Variants in KCNQ2 observed in about 807,000 individuals in gnomAD.
The protein encoded by KCNQ2 is potassium voltage-gated channel subfamily Q member 2, also known as potassium voltage-gated channel subfamily KQT member 2.
Under a neutral mutation model 84.8 loss-of-function variants are expected in KCNQ2, and 14 were observed. The observed-to-expected ratio is 0.17, with a 90% CI of 0.11 to 0.26. The LOEUF is 0.26. Ranked by LOEUF, KCNQ2 falls within the 10% of genes least tolerant of loss-of-function variation. The pLI is 1.00. For synonymous variants in KCNQ2, 599 were observed against 554.1 expected (o/e 1.08, Z -1.14); for missense variants, 788 against 1,254.0 (o/e 0.63, Z 5.61).
intron 12 of KCNQ2, among the ~76,000 whole-genome samples, chr20:63,418,780 T>C (rs1287226562): frequency 6.6e-6 from 1 of 152,078 alleles, no homozygotes; most frequent in Non-Finnish European, 1.5e-5. Flanking sequence ...AGCAGCAAAG[T>C]CACAGGGAGA....
intron 15 of KCNQ2, among the ~76,000 whole-genome samples, chr20:63,412,702 G>T (rs1289759159): frequency 1.3e-5 from 2 of 152,230 alleles, no homozygotes; most frequent in African/African-American, 4.8e-5. Context: ...TGTAACAGGG[G>T]CCCAGCCTCG....
chr20:63,471,249 C>T (rs1413454999), intron 1 of KCNQ2: 1 of 152,322 alleles, frequency 6.6e-6, no homozygotes, highest in South Asian at 2.1e-4. Flanking sequence ...CGCCCTGGCG[C>T]GGGGAGGCTG....
chr20:63,450,095 TCCC>T (rs2081563113), intron 1 of KCNQ2, among the ~76,000 whole-genome samples: 1 of 21,082 alleles, frequency 4.7e-5, no homozygotes, highest in Non-Finnish European at 9.5e-5. Flanking sequence ...CCTCACCCCC[TCCC>T]TCACTTACAG....
chr20:63,429,744 G>A (rs912733169), intron 9 of KCNQ2, among the ~76,000 whole-genome samples: 13 of 152,086 alleles, frequency 8.5e-5, no homozygotes, highest in Admixed American at 3.3e-4. Context: ...ACTTCGTCCA[G>A]CCACACTCCT....
intron 15 of KCNQ2, among the ~76,000 whole-genome samples, chr20:63,411,410 G>A (rs374386678): frequency 2.6e-5 from 4 of 152,208 alleles, no homozygotes; most frequent in Admixed American, 2.6e-4. Context: ...CCTGTCCAGG[G>A]GGCACGGGCA....
rs2079859731 is a variant in KCNQ2, at chr20:63,403,834, T to C, written c.*2810A>G. ...ACTGCGGGAGCTCTTTGCCATGAGG[T>C]GGCACTGGTCCTTGGCCACGCTCAT... is the stretch of plus-strand genomic sequence containing the variant. On this transcript the variant is annotated 3_prime_UTR_variant, in exon 17 of 17. Transcript: ENST00000359125. 1 of 152,228 alleles carries C rather than the reference T, an allele frequency of 6.6e-6. No individual in the cohort carries two copies. Among genetic ancestry groups the C allele is most frequent in the Non-Finnish European group, 1.5e-5 (1 of 68,052 alleles). 9.4% of individuals were successfully genotyped at this position (152,228 alleles called of 1,614,324 possible). A position where few individuals can be genotyped will look rare whatever the true frequency, so the allele number is the denominator to read the frequency against.
chr20:63,421,632 G>A (rs1294019891), intron 11 of KCNQ2, among the ~76,000 whole-genome samples: 2 of 152,166 alleles, frequency 1.3e-5, no homozygotes, highest in African/African-American at 4.8e-5. Flanking sequence ...GGACAGACAT[G>A]CACCAAAAAC....
At chr20:63,464,782 C>T (rs986189898) in intron 1 of KCNQ2, among the ~76,000 whole-genome samples, 2 of 152,218 alleles carry the variant, frequency 1.3e-5, no homozygotes, top group Non-Finnish European at 2.9e-5. Context: ...GATCCGCATT[C>T]AAACTTGCCA....
rs1274962440 is a variant in KCNQ2, at chr20:63,411,910, C to A, written c.1763+1540G>T. The A allele has an allele frequency of 5.6e-6, 4 of 712,694 alleles. No homozygotes were observed. The South Asian group carries it at 6.0e-5, about 11-fold the overall frequency. The allele number at this position is 712,694 out of a possible 1,614,324, so 44.1% of individuals were successfully genotyped here. Reference sequence around the variant, plus strand: ...GGCAGAGTAAACAAGAAAAGAGACACCGGCGAAACGCATCGTAAAGCCACA... The same window carrying A: ...GGCAGAGTAAACAAGAAAAGAGACAACGGCGAAACGCATCGTAAAGCCACA... On this transcript the variant is annotated intron_variant, in intron 15 of 16. Coordinates refer to ENST00000359125, the MANE Select transcript of KCNQ2 (RefSeq NM_172107.4).
At chr20:63,445,017 C>G (rs1471235773) in intron 3 of KCNQ2, among the ~76,000 whole-genome samples, 183 bp from the exon 4 acceptor site, 5 of 152,230 alleles carry the variant, frequency 3.3e-5, no homozygotes, top group Non-Finnish European at 7.3e-5. Flanking sequence ...GCCTGTGGGG[C>G]CCAGGATGGG....
intron 12 of KCNQ2, among the ~76,000 whole-genome samples, chr20:63,419,052 G>A (rs780578052): frequency 9.9e-5 from 15 of 152,112 alleles, no homozygotes; most frequent in Admixed American, 2.0e-4. Flanking sequence ...TGCGGGTCAC[G>A]GTGCAGGCCA....
intron 15 of KCNQ2, among the ~76,000 whole-genome samples, chr20:63,409,316 T>C (rs991379266): frequency 1.3e-5 from 2 of 152,260 alleles, no homozygotes; most frequent in African/African-American, 2.4e-5. Context: ...CGTTTGCGTG[T>C]GTGCATGTGT....
chr20:63,419,499 G>T, intron 12 of KCNQ2, 120 bp downstream of exon 12: 1 of 967,234 alleles, frequency 1.0e-6, no homozygotes, highest in Non-Finnish European at 1.6e-6. Flanking sequence ...CCAGGGCGGT[G>T]GGTCAGAATT....
At chr20:63,430,456 A>G (rs1173629791) in intron 9 of KCNQ2, among the ~76,000 whole-genome samples, 1 of 152,152 alleles carries the variant, frequency 6.6e-6, no homozygotes, top group African/African-American at 2.4e-5. Flanking sequence ...AAGGGCAGCC[A>G]GGTCTCTCCT....
rs145360753 is a variant in KCNQ2 at position 63,438,347 on chromosome 20, C to T, written c.1023+278G>A. The stretch of plus-strand genomic sequence containing the variant: ...ACGGGTGTGCTCACCTCCCAGGGTG[C>T]GGTAGAGAGGACCTGATGGCCGGGC... On this transcript the variant is annotated intron_variant, in intron 7 of 16. Coordinates refer to ENST00000359125, the MANE Select transcript of KCNQ2 (RefSeq NM_172107.4). This position sits in a 1 kb window ranked among gnomAD's most constrained non-coding sequence, Gnocchi z 5.1. 1.1e-5 allele frequency: 6 copies of T among 549,086 alleles called. No individual in the cohort carries two copies. Among genetic ancestry groups the T allele is most frequent in the East Asian group, 9.4e-5 (3 of 31,766 alleles). 34.0% of individuals were successfully genotyped at this position (549,086 alleles called of 1,614,324 possible). A position where few individuals can be genotyped will look rare whatever the true frequency, so the allele number is the denominator to read the frequency against.
intron 11 of KCNQ2, 82 bp from the exon 12 acceptor site, chr20:63,419,754 C>T: frequency 7.8e-7 from 1 of 1,275,118 alleles, no homozygotes; most frequent in Non-Finnish European, 1.1e-6. Context: ...GCACTGCAAC[C>T]ACCCAGGGTG....
At chr20:63,457,756 G>A (rs1235195969) in intron 1 of KCNQ2, among the ~76,000 whole-genome samples, 1 of 152,214 alleles carries the variant, frequency 6.6e-6, no homozygotes, top group African/African-American at 2.4e-5. Context: ...GCAACCACAG[G>A]TCCTTCCAGG....
At chr20:63,437,967 G>A (rs1038278702) in intron 7 of KCNQ2, among the ~76,000 whole-genome samples, 3 of 152,114 alleles carry the variant, frequency 2.0e-5, no homozygotes, top group Admixed American at 6.6e-5. Context: ...ACGCCACCAC[G>A]CCCAGCTAAT....
In KCNQ2 at chr20:63,472,353, G is replaced by A. The variant is rs1439792287; in HGVS notation, c.111C>T (p.Asp37=). 1.3e-6 allele frequency: 2 copies of A among 1,535,568 alleles called. No homozygotes were observed. Among genetic ancestry groups the A allele is most frequent in the African/African-American group, 1.4e-5 (1 of 71,032 alleles). Residue 37 remains aspartate, a synonymous_variant, in exon 1 of 17, where the codon GAC becomes GAT. Coordinates refer to ENST00000359125, the MANE Select transcript of KCNQ2 (RefSeq NM_172107.4). ...LDPGAPDSTR[D]GALLIAGSEA... Reference sequence around the variant, plus strand: ...CGGAGCCGGCGATCAGCAGCGCCCCGTCCCGGGTGGAGTCGGGCGCGCCGG... The same window carrying A: ...CGGAGCCGGCGATCAGCAGCGCCCCATCCCGGGTGGAGTCGGGCGCGCCGG...
Sources: allele counts gnomAD v4.1 joint callset (sites outside exome capture counted in the v4.1 genomes callset), GRCh38; gene constraint gnomAD v4.1.1; non-coding constraint Gnocchi (gnomAD v3.1); transcripts MANE v1.5; gene names NCBI Gene and HGNC (gene_info 2026-07-23, HGNC 2026-07-21).